Variants in SCHIP1 observed in about 807,000 individuals in gnomAD.
SCHIP1 encodes the protein schwannomin-interacting protein 1.
In SCHIP1, 8 loss-of-function variants were observed where a neutral mutation model predicts 29.7. The ratio of observed to expected loss-of-function variants is 0.27; its 90% CI spans 0.16 to 0.49. The LOEUF is 0.49. Among genes scored for constraint, SCHIP1 ranks in the 20% least tolerant of loss-of-function variants. The pLI, the probability that SCHIP1 is intolerant of heterozygous loss-of-function variation, is 0.99. For missense variants in SCHIP1, 193 were observed against 294.6 expected (o/e 0.66, Z 2.52); for synonymous variants, 76 against 94.9 (o/e 0.80, Z 1.16).
the SCHIP1 span, among the ~76,000 whole-genome samples, chr3:159,833,468 A>G: frequency 2.0e-5 from 3 of 152,192 alleles, no homozygotes; most frequent in Non-Finnish European, 4.4e-5. Flanking sequence ...CATTGAGCTC[A>G]TCTGGATAAC....
the SCHIP1 span, among the ~76,000 whole-genome samples, chr3:159,492,836 A>G: frequency 6.6e-6 from 1 of 152,184 alleles, no homozygotes; most frequent in Non-Finnish European, 1.5e-5. Context: ...AAAAAATGTT[A>G]AGGGCAGCCA....
chr3:159,336,998 T>C, the SCHIP1 span, among the ~76,000 whole-genome samples: 7 of 152,200 alleles, frequency 4.6e-5, no homozygotes, highest in African/African-American at 2.4e-5. Context: ...TTCCATTTGT[T>C]TGTATCCTCT....
the SCHIP1 span, among the ~76,000 whole-genome samples, chr3:159,422,359 C>A: frequency 6.6e-6 from 1 of 152,172 alleles, no homozygotes; most frequent in African/African-American, 2.4e-5. Context: ...AAATGCTTTG[C>A]TATTCTAAGC....
At chr3:159,621,647 T>TG in the SCHIP1 span, among the ~76,000 whole-genome samples, 1 of 151,254 alleles carries the variant, frequency 6.6e-6, no homozygotes, top group Admixed American at 6.6e-5. Context: ...GTGTGGTTTT[T>TG]TTGTTGTTGT....
the SCHIP1 span, among the ~76,000 whole-genome samples, chr3:159,762,858 G>A: frequency 6.6e-5 from 10 of 152,224 alleles, 1 homozygote; most frequent in Admixed American, 1.3e-4. Context: ...ATCTAAGGAA[G>A]CAAAGGCAGC....
chr3:159,521,762 T>C, the SCHIP1 span, among the ~76,000 whole-genome samples: 1 of 152,248 alleles, frequency 6.6e-6, no homozygotes, highest in Admixed American at 6.5e-5. Context: ...TGGTGAGTCA[T>C]ATCCAGTTCT....
the SCHIP1 span, among the ~76,000 whole-genome samples, chr3:159,396,037 G>T: frequency 1.3e-5 from 2 of 150,918 alleles, no homozygotes; most frequent in Non-Finnish European, 3.0e-5. Context: ...AGGATAGTTA[G>T]CTCTTCTTGT....
the SCHIP1 span, among the ~76,000 whole-genome samples, chr3:159,412,564 G>A: frequency 5.6e-4 from 86 of 152,300 alleles, no homozygotes; most frequent in South Asian, 0.017. Flanking sequence ...ATATAATGAT[G>A]TGTTAACAGA....
the SCHIP1 span, among the ~76,000 whole-genome samples, chr3:159,602,709 A>C: frequency 3.5e-5 from 4 of 115,772 alleles, no homozygotes; most frequent in Non-Finnish European, 1.6e-5. Flanking sequence ...AATCCATCTC[A>C]AAAAAAAAAA....
At chr3:159,772,653 A>G in the SCHIP1 span, among the ~76,000 whole-genome samples, 1 of 152,258 alleles carries the variant, frequency 6.6e-6, no homozygotes, top group Non-Finnish European at 1.5e-5. Flanking sequence ...TTGCTACACT[A>G]TAAACTTTCT....
chr3:159,646,883 T>G, the SCHIP1 span, among the ~76,000 whole-genome samples: 1 of 151,608 alleles, frequency 6.6e-6, no homozygotes, highest in African/African-American at 2.4e-5. Context: ...TAACCAGGAA[T>G]ACTAAAAGAG....
chr3:159,634,769 G>A, the SCHIP1 span, among the ~76,000 whole-genome samples: 5 of 152,108 alleles, frequency 3.3e-5, no homozygotes, highest in African/African-American at 9.7e-5. Context: ...CATAATTACC[G>A]CATTTGGAGC....
the SCHIP1 span, among the ~76,000 whole-genome samples, chr3:159,358,184 G>C: frequency 4.6e-5 from 7 of 152,198 alleles, no homozygotes; most frequent in African/African-American, 1.7e-4. Context: ...AAGAAGGGTA[G>C]GGAAGGCCAG....
the SCHIP1 span, among the ~76,000 whole-genome samples, chr3:159,391,989 A>G: frequency 6.6e-6 from 1 of 152,222 alleles, no homozygotes; most frequent in Non-Finnish European, 1.5e-5. Context: ...TAAAGGTTAG[A>G]GCGAGACTCT....
chr3:159,481,512 T>A, the SCHIP1 span, among the ~76,000 whole-genome samples: 18 of 152,288 alleles, frequency 1.2e-4, no homozygotes, highest in East Asian at 3.5e-3. Flanking sequence ...ATTTGGGACT[T>A]ACACTAAAAA....
chr3:159,310,788 C>T, the SCHIP1 span, among the ~76,000 whole-genome samples: 1 of 152,204 alleles, frequency 6.6e-6, no homozygotes, highest in South Asian at 2.1e-4. Context: ...GTGATTAATT[C>T]TCATGAAAGG....
the SCHIP1 span, among the ~76,000 whole-genome samples, chr3:159,684,141 G>T: frequency 6.6e-6 from 1 of 151,868 alleles, no homozygotes; most frequent in African/African-American, 2.4e-5. Context: ...TAATCTAACT[G>T]TCACTGATTG....
chr3:159,578,482 A>G, the SCHIP1 span, among the ~76,000 whole-genome samples: 1 of 152,204 alleles, frequency 6.6e-6, no homozygotes, highest in South Asian at 2.1e-4. Context: ...TATGTGGCTC[A>G]AATTTTGTTT....
chr3:159,290,952 T>G, the SCHIP1 span, among the ~76,000 whole-genome samples: 1 of 152,052 alleles, frequency 6.6e-6, no homozygotes, highest in African/African-American at 2.4e-5. Flanking sequence ...AAAATTTTAT[T>G]TATAAAATGT....
Sources: gnomAD v4.1 joint callset for allele counts (sites outside exome capture counted in the v4.1 genomes callset) on GRCh38, gnomAD v4.1.1 for gene constraint, MANE v1.5 for transcripts, NCBI Gene and HGNC (gene_info 2026-07-23, HGNC 2026-07-21) for gene names.